PCDHGB6: variants seen among roughly 807,000 people sequenced by gnomAD.
PCDHGB6 encodes protocadherin gamma-B6.
PCDHGB6 carries 51 observed loss-of-function variants against 59.1 expected under a neutral mutation model. The observed-to-expected ratio is 0.86, with a 90% CI of 0.69 to 1.09. The LOEUF (loss-of-function observed/expected upper bound fraction) is 1.09, where lower values mean the gene tolerates loss of function less well. PCDHGB6 is among the 50% of genes least tolerant of loss of function. The pLI is 0.00. For synonymous variants in PCDHGB6, 466 were observed against 495.1 expected, an observed-to-expected ratio of 0.94 and a Z score of 0.78; for missense variants, 1,148 against 1,205.1, an observed-to-expected ratio of 0.95 and a Z score of 0.70.
intron 1 of PCDHGB6, chr5:141,440,430 G>A (rs965990102): frequency 6.6e-6 from 1 of 152,196 alleles, no homozygotes; most frequent in African/African-American, 2.4e-5. Flanking sequence ...CTGGGTGACA[G>A]AGCAAGGCGC....
rs749645155 is a variant in PCDHGB6 at position 141,414,214 on chromosome 5, A to G, written c.2418+3594A>G. On this transcript the variant is annotated intron_variant, in intron 1 of 3. Transcript: ENST00000520790. ...GATTACAGTAGAAGATGTAAATGAC[A>G]ACAGTCCAGAGCTGACCATCACGTC... 6.2e-6 allele frequency: 10 copies of G among 1,613,126 alleles called. No homozygotes were observed. The South Asian group carries it at 9.9e-5, about 16-fold the overall frequency.
At position 141,486,641 on chromosome 5, in the gene PCDHGB6, A is replaced by C; in HGVS notation, c.2419-8166A>C. On this transcript the variant is annotated intron_variant, in intron 1 of 3. Transcript: ENST00000520790. The surrounding 1 kb of genome is among the most constrained non-coding windows in gnomAD (Gnocchi z 5.0). ...CCCAGACTCTGGCTTGAATGCGCTTATCTCCTACTCACTCCTGGAGCCCAG... is the reference window on the plus strand; with the variant it reads ...CCCAGACTCTGGCTTGAATGCGCTTCTCTCCTACTCACTCCTGGAGCCCAG... 6.2e-7 allele frequency: 1 copy of C among 1,613,734 alleles called. No individual in the cohort carries two copies. The highest frequency in any genetic ancestry group is 1.6e-4 in the Middle Eastern group (1 of 6,062).
chr5:141,451,182 C>T (rs2154563496), intron 1 of PCDHGB6, among the ~76,000 whole-genome samples: 1 of 152,226 alleles, frequency 6.6e-6, no homozygotes, highest in Non-Finnish European at 1.5e-5. Flanking sequence ...TTAGCCATTG[C>T]TGTGTAACAA....
intron 1 of PCDHGB6, among the ~76,000 whole-genome samples, chr5:141,488,675 T>C (rs888235928): frequency 2.6e-5 from 4 of 152,116 alleles, no homozygotes; most frequent in Admixed American, 1.3e-4. Flanking sequence ...TACATGGGCT[T>C]TGCCTCTCCC....
chr5:141,418,314 C>T, intron 1 of PCDHGB6: 1 of 1,613,988 alleles, frequency 6.2e-7, no homozygotes. Context: ...GGGATGGGAA[C>T]AATTCTTGAG....
rs1345224043 is a variant in PCDHGB6, at chr5:141,487,695, C to G, written c.2419-7112C>G. Reference sequence around the variant, plus strand: ...TGGCTAGGCCATGTCCTAGAGAGTACTGGCCTCTCAGTAAGTGCCCATAGT... The same window carrying G: ...TGGCTAGGCCATGTCCTAGAGAGTAGTGGCCTCTCAGTAAGTGCCCATAGT... On this transcript the variant is annotated intron_variant, in intron 1 of 3. Transcript: ENST00000520790. The surrounding 1 kb of genome is among the most constrained non-coding windows in gnomAD (Gnocchi z 5.0). 1 of 1,601,306 alleles carries G rather than the reference C, an allele frequency of 6.2e-7. No individual in the cohort carries two copies.
At chr5:141,441,984 A>G (rs1202392318) in intron 1 of PCDHGB6, 4 of 275,400 alleles carry the variant, frequency 1.5e-5, no homozygotes, top group South Asian at 7.2e-5. Flanking sequence ...TGGAATGCGC[A>G]CCGACGAGGT....
chr5:141,485,797 C>T lies in PCDHGB6; in HGVS notation c.2419-9010C>T. 1 of 1,614,228 alleles carries T rather than the reference C, an allele frequency of 6.2e-7. No homozygotes were observed. Among genetic ancestry groups the T allele is most frequent in the South Asian group, 1.1e-5 (1 of 91,092 alleles). On this transcript the variant is annotated intron_variant, in intron 1 of 3. Coordinates refer to ENST00000520790, the MANE Select transcript of PCDHGB6 (RefSeq NM_018926.3). This position sits in a 1 kb window ranked among gnomAD's most constrained non-coding sequence, Gnocchi z 5.7. ...TGGATCGAGAGAAGCAATCGGACTACCGCCTGGTGCTGACTGCTGTCGATG... is the reference window on the plus strand; with the variant it reads ...TGGATCGAGAGAAGCAATCGGACTATCGCCTGGTGCTGACTGCTGTCGATG...
chr5:141,414,778 C>G, intron 1 of PCDHGB6: 5 of 1,614,202 alleles, frequency 3.1e-6, no homozygotes, highest in Non-Finnish European at 3.4e-6. Context: ...GCTACAGATG[C>G]AGGTGACAGC....
chr5:141,421,855 C>T (rs1329066630), intron 1 of PCDHGB6: 1 of 1,613,764 alleles, frequency 6.2e-7, no homozygotes, highest in East Asian at 2.2e-5. Context: ...GGCTGCTCAC[C>T]TGCTCCTCCT....
At chr5:141,428,882 T>C in intron 1 of PCDHGB6, 1 of 151,216 alleles carries the variant, frequency 6.6e-6, no homozygotes, top group African/African-American at 2.4e-5. Context: ...TTGGACGGAG[T>C]CTCGCTCTGT....
intron 1 of PCDHGB6, among the ~76,000 whole-genome samples, chr5:141,425,318 G>A (rs1304835508): frequency 1.3e-5 from 2 of 152,158 alleles, no homozygotes; most frequent in Non-Finnish European, 2.9e-5. Context: ...TCCCAAGATC[G>A]TGGAGAACAA....
chr5:141,461,334 G>T (rs558562450), intron 1 of PCDHGB6, among the ~76,000 whole-genome samples: 75 of 152,166 alleles, frequency 4.9e-4, no homozygotes, highest in African/African-American at 1.7e-3. Flanking sequence ...GGCCATTCTT[G>T]CAGGACCAAG....
intron 1 of PCDHGB6, among the ~76,000 whole-genome samples, chr5:141,481,730 G>C (rs778885944): frequency 6.6e-5 from 10 of 151,952 alleles, no homozygotes; most frequent in Non-Finnish European, 1.3e-4. Flanking sequence ...GAGGCGGGCG[G>C]ATCACGAGGT....
intron 1 of PCDHGB6, among the ~76,000 whole-genome samples, chr5:141,452,350 A>G (rs1355934993): frequency 6.6e-6 from 1 of 152,212 alleles, no homozygotes; most frequent in Admixed American, 6.5e-5. Context: ...CCATTTATCC[A>G]AAAGCCTTGC....
At position 141,511,345 on chromosome 5, in the gene PCDHGB6, T is replaced by A; in HGVS notation, c.*172T>A. The A allele has an allele frequency of 7.8e-6, 11 of 1,410,508 alleles. No individual in the cohort carries two copies. The highest frequency in any genetic ancestry group is 1.0e-5 in the Non-Finnish European group (11 of 1,060,682). 87.4% of individuals were successfully genotyped at this position (1,410,508 alleles called of 1,614,324 possible). ...AAGTGCCCAGTCAGCACCTACCCCT[T>A]CCCCCCCAGGGGGTTGAATATGCAA... On this transcript the variant is annotated 3_prime_UTR_variant, in exon 4 of 4. Transcript: ENST00000520790.
rs777925358 is a variant in PCDHGB6 at position 141,477,657 on chromosome 5, G to T, written c.2419-17150G>T. ...GTGGGTCGCTATTTCACAATAAATC[G>T]TGACAATGGCATAGTGTCATCCTTA... On this transcript the variant is annotated intron_variant, in intron 1 of 3. Transcript: ENST00000520790. This position sits in a 1 kb window ranked among gnomAD's most constrained non-coding sequence, Gnocchi z 4.9. 6.8e-6 allele frequency: 11 copies of T among 1,614,072 alleles called. No individual in the cohort carries two copies. Among genetic ancestry groups the T allele is most frequent in the South Asian group, 2.2e-5 (2 of 91,090 alleles).
At chr5:141,423,701 G>A in intron 1 of PCDHGB6, 1 of 1,312,668 alleles carries the variant, frequency 7.6e-7, no homozygotes, top group Non-Finnish European at 9.9e-7. Flanking sequence ...TGGTGTCTTG[G>A]CACAAGTCTT....
chr5:141,443,561 C>T (rs1487096752), intron 1 of PCDHGB6, among the ~76,000 whole-genome samples: 3 of 152,118 alleles, frequency 2.0e-5, no homozygotes, highest in Non-Finnish European at 1.5e-5. Context: ...AATTCAAATG[C>T]TTTAAATGGA....
Sources: gnomAD v4.1 joint callset for allele counts (sites outside exome capture counted in the v4.1 genomes callset) on GRCh38, gnomAD v4.1.1 for gene constraint, Gnocchi (gnomAD v3.1) non-coding constraint, MANE v1.5 for transcripts, NCBI Gene and HGNC (gene_info 2026-07-23, HGNC 2026-07-21) for gene names.